The following AGA variants were observed in gnomAD, a reference collection of about 807,000 sequenced individuals.
The protein encoded by AGA is N(4)-(beta-N-acetylglucosaminyl)-L-asparaginase.
In AGA, 31 loss-of-function variants were observed where a neutral mutation model predicts 40.1. The observed-to-expected ratio is 0.77, with a 90% CI of 0.58 to 1.04. The LOEUF (loss-of-function observed/expected upper bound fraction) is 1.04. Ranked by LOEUF, AGA falls within the 50% of genes least tolerant of loss-of-function variation. The pLI is 0.00. For missense variants in AGA, 445 were observed against 435.4 expected, an observed-to-expected ratio of 1.02 and a Z score of -0.20; for synonymous variants, 148 against 144.0, an observed-to-expected ratio of 1.03 and a Z score of -0.20.
Position 177,431,729 on chromosome 4 carries a change from C to G in AGA, c.1020G>C (p.Glu340Asp), listed in dbSNP as rs1271457785. ...VYNSEKNQPT[E>D]EKVDCI ...TGGATTAGATGCAGTCCACTTTTTC[C>G]TCAGTTGGCTGATTTTTTTCGGAAT... is the stretch of plus-strand genomic sequence containing the variant. The change falls in exon 9 of 9, where the codon GAG becomes GAC. Residue 340 changes from glutamate (E) to aspartate (D), a missense_variant. By Grantham distance (45) the Glu-to-Asp change is conservative. Transcript: ENST00000264595. 3 of 1,613,022 alleles carry G rather than the reference C, an allele frequency of 1.9e-6. No homozygotes were observed. The highest frequency in any genetic ancestry group is 2.2e-5 in the East Asian group (1 of 44,860).
At position 177,440,401 on chromosome 4, in the gene AGA, G is replaced by T. The variant is rs1404115808; in HGVS notation, c.153C>A (p.Gly51=). Residue 51 remains glycine (G), a synonymous_variant, in exon 2 of 9, where the codon GGC becomes GGA. Coordinates refer to ENST00000264595, the MANE Select transcript of AGA (RefSeq NM_000027.4). ...EAAWRALASG[G]SALDAVESGC... The stretch of plus-strand genomic sequence containing the variant: ...CGCTCTCCACTGCATCCAGGGCAGA[G>T]CCTCCAGATGCTAATGCCCTCCACG... 6.2e-7 allele frequency: 1 copy of T among 1,613,980 alleles called. No homozygotes were observed.
rs149601211 is a variant in AGA at position 177,433,400 on chromosome 4, A to G, written c.807-53T>C. On this transcript the variant is annotated intron_variant, in intron 7 of 8. Transcript: ENST00000264595. ...TGTCTCAGAATAAATACTAACTCCA[A>G]ATTGGGTTACTTGAAGTTAGAAATT... is the stretch of plus-strand genomic sequence containing the variant. 910 of 1,610,504 alleles carry G rather than the reference A, an allele frequency of 5.7e-4. 7 individuals are homozygous for G. The African/African-American group carries it at 0.011, about 19-fold the overall frequency.
chr4:177,431,357 G>C lies in AGA; in HGVS notation c.*351C>G, dbSNP rs1736626151. Reference sequence around the variant, plus strand: ...AAAAAACTTGTATACTCTATTTTAAGCATCCAAATATGATGATTCCTTTTG... The same window carrying C: ...AAAAAACTTGTATACTCTATTTTAACCATCCAAATATGATGATTCCTTTTG... On this transcript the variant is annotated 3_prime_UTR_variant, in exon 9 of 9. Transcript: ENST00000264595. The C allele has an allele frequency of 2.2e-6, 1 of 445,674 alleles. No individual in the cohort carries two copies. Among genetic ancestry groups the C allele is most frequent in the Non-Finnish European group, 4.4e-6 (1 of 227,512 alleles). The allele number at this position is 445,674 out of a possible 1,614,324, so 27.6% of individuals were successfully genotyped here.
At position 177,442,362 on chromosome 4, in the gene AGA, G is replaced by C. The variant is rs749352651; in HGVS notation, c.14C>G (p.Ser5Trp). The C allele has an allele frequency of 1.2e-6, 2 of 1,614,048 alleles. No individual in the cohort carries two copies. The highest frequency in any genetic ancestry group is 1.7e-6 in the Non-Finnish European group (2 of 1,179,950). Residue 5 changes from serine to tryptophan, a missense_variant, in exon 1 of 9, where the codon TCG (serine) becomes TGG (tryptophan). By Grantham distance (177) the Ser-to-Trp change is radical (BLOSUM62 -3). Coordinates refer to ENST00000264595, the MANE Select transcript of AGA (RefSeq NM_000027.4). Reference sequence around the variant, plus strand: ...CGGCACGAGAAGCACAGGCAAGTTCGACTTCCGCGCCATCCCTGACCACCG... The same window carrying C: ...CGGCACGAGAAGCACAGGCAAGTTCCACTTCCGCGCCATCCCTGACCACCG... MARKSNLPVLLVPFL... is the reference protein window; with the variant it reads MARKWNLPVLLVPFL...
chr4:177,437,154 C>T, intron 5 of AGA: 1 of 445,038 alleles, frequency 2.2e-6, no homozygotes, highest in Non-Finnish European at 4.1e-6. Flanking sequence ...CATAAAACTG[C>T]CAAAAAATGA....
chr4:177,438,681 A>G (rs1579043897), intron 4 of AGA, 64 bp downstream of exon 4: 1 of 1,117,324 alleles, frequency 8.9e-7, no homozygotes, highest in African/African-American at 1.5e-5. Flanking sequence ...GGCAACACTG[A>G]GCAGAAAGGA....
chr4:177,433,998 CTTTT>C (rs1235690473), intron 7 of AGA, among the ~76,000 whole-genome samples: 1 of 152,008 alleles, frequency 6.6e-6, no homozygotes, highest in Non-Finnish European at 1.5e-5. Context: ...TGTTTTCTTT[CTTTT>C]ATTTTCTTGA....
Position 177,434,488 on chromosome 4 carries a change from G to A in AGA, c.700C>T (p.Arg234Cys), listed in dbSNP as rs572348048. ...TNGIKFKIHG[R>C]VGDSPIPGAG... is the part of the protein sequence containing the mutation. ...CCAGGTATTGGTGAGTCTCCTACACGGCTTTGAGAGGGTATTAACAATTTA... is the reference window on the plus strand; with the variant it reads ...CCAGGTATTGGTGAGTCTCCTACACAGCTTTGAGAGGGTATTAACAATTTA... Residue 234 changes from arginine to cysteine, a missense_variant and splice_region_variant, in exon 7 of 9, where the codon CGT (arginine) becomes TGT (cysteine). By Grantham distance (180) the Arg-to-Cys change is radical. Coordinates refer to ENST00000264595, the MANE Select transcript of AGA (RefSeq NM_000027.4). The A allele has an allele frequency of 1.1e-5, 17 of 1,613,336 alleles. No homozygotes were observed. Among genetic ancestry groups the A allele is most frequent in the African/African-American group, 6.7e-5 (5 of 75,002 alleles).
chr4:177,442,222 C>A, intron 1 of AGA, 27 bp downstream of exon 1: 1 of 1,612,030 alleles, frequency 6.2e-7, no homozygotes, highest in Non-Finnish European at 8.5e-7. Context: ...CGCGGCGCAG[C>A]CGCCCGCCCA....
intron 6 of AGA, among the ~76,000 whole-genome samples, chr4:177,435,714 C>A (rs1183655703): frequency 6.6e-6 from 1 of 152,080 alleles, no homozygotes; most frequent in East Asian, 1.9e-4. Context: ...CACACCCCCA[C>A]ACCCCTTCTT....
intron 1 of AGA, 66 bp downstream of exon 1, chr4:177,442,183 C>T (rs373297315): frequency 1.3e-6 from 2 of 1,599,286 alleles, no homozygotes; most frequent in Non-Finnish European, 1.7e-6. Context: ...TGCAGCGGGG[C>T]GGGCTAGTCA....
intron 8 of AGA, among the ~76,000 whole-genome samples, chr4:177,432,858 A>G: frequency 6.6e-6 from 1 of 152,300 alleles, no homozygotes; most frequent in South Asian, 2.1e-4. Context: ...AATAGAAAAG[A>G]AATAGGGAAG....
At chr4:177,439,902 G>A in intron 2 of AGA, 1 of 599,630 alleles carries the variant, frequency 1.7e-6, no homozygotes, top group Non-Finnish European at 2.9e-6. Flanking sequence ...TACCACAACA[G>A]CACTAAAATT....
At chr4:177,433,096 A>G (rs1736679589) in intron 8 of AGA, 118 bp downstream of exon 8, 1 of 1,410,300 alleles carries the variant, frequency 7.1e-7, no homozygotes, top group Non-Finnish European at 9.9e-7. Flanking sequence ...CTCAATGCCC[A>G]CTTAAGGAGT....
At position 177,442,195 on chromosome 4, in the gene AGA, C is replaced by T. The variant is rs1737050128; in HGVS notation, c.127+54G>A. ...GACTGCAGCGGGGCGGGCTAGTCAT[C>T]CCCACCCGCAAGCTCTCGCGGCGCA... On this transcript the variant is annotated intron_variant, in intron 1 of 8. Transcript: ENST00000264595. 3.1e-6 allele frequency: 5 copies of T among 1,607,052 alleles called. No homozygotes were observed. In the South Asian group the frequency reaches 4.4e-5, roughly 14 times the overall value.
intron 7 of AGA, among the ~76,000 whole-genome samples, 192 bp from the exon 8 acceptor site, chr4:177,433,539 A>T (rs1736696209): frequency 6.6e-6 from 1 of 152,230 alleles, no homozygotes; most frequent in African/African-American, 2.4e-5. Flanking sequence ...CTATCTTTTC[A>T]ACTAATCCAC....
At chr4:177,435,908 C>T (rs553168100) in intron 6 of AGA, among the ~76,000 whole-genome samples, 10 of 152,062 alleles carry the variant, frequency 6.6e-5, no homozygotes, top group Non-Finnish European at 1.5e-4. Context: ...GTTCTGAACA[C>T]ATGCACACAT....
Position 177,436,249 on chromosome 4 carries a change from G to A in AGA, c.698+27C>T, listed in dbSNP as rs756597510. On this transcript the variant is annotated intron_variant, in intron 6 of 8. Transcript: ENST00000264595. ...TGCTCTGCATTCAGTGTATATTTGA[G>A]AGCTCTGTTCTTTTGGAAACACTAA... The A allele has an allele frequency of 5.7e-5, 89 of 1,573,126 alleles. 1 individual carries two copies. In the South Asian group the frequency reaches 9.1e-4, roughly 16 times the overall value.
Position 177,439,598 on chromosome 4 carries a change from GTGTGT to G in AGA, c.367_371del (p.Thr123HisfsTer20), listed in dbSNP as rs1736928101. On this transcript the variant is annotated frameshift_variant, in exon 3 of 9. Coordinates refer to ENST00000264595, the MANE Select transcript of AGA (RefSeq NM_000027.4). LOFTEE classifies it high-confidence loss of function. ...TACCTGACTCTCCTACTAAAAGTGT[GTGTGT>G]TGTATGTTCCAGTACTTTCCGTGCC... is the stretch of plus-strand genomic sequence containing the variant. 3 of 1,613,480 alleles carry G rather than the reference GTGTGT, an allele frequency of 1.9e-6. No individual in the cohort carries two copies. Among genetic ancestry groups the G allele is most frequent in the Admixed American group, 1.7e-5 (1 of 60,004 alleles).
Sources: gnomAD v4.1 joint callset for allele counts (sites outside exome capture counted in the v4.1 genomes callset) on GRCh38, gnomAD v4.1.1 for gene constraint, MANE v1.5 for transcripts, NCBI Gene and HGNC (gene_info 2026-07-23, HGNC 2026-07-21) for gene names.